Variants in SLC44A1 observed in about 807,000 individuals in gnomAD.
The protein encoded by SLC44A1 is choline transporter-like protein 1.
A neutral mutation model predicts 79.3 loss-of-function variants in SLC44A1; 26 were observed. The observed-to-expected ratio is 0.33, with a 90% confidence interval of 0.24 to 0.46. The LOEUF (loss-of-function observed/expected upper bound fraction) is 0.46, where lower values mean the gene tolerates loss of function less well. Among genes scored for constraint, SLC44A1 ranks in the 20% least tolerant of loss-of-function variants. The pLI, the probability that SLC44A1 is intolerant of heterozygous loss-of-function variation, is 1.00. For missense variants in SLC44A1, 688 were observed against 798.1 expected (o/e 0.86, Z 1.66); for synonymous variants, 263 against 286.2 (o/e 0.92, Z 0.82).
At chr9:105,282,754 GGCCAGGCTGGTCTTGAACTCTGACCTCGT>G (rs1830385641) in intron 1 of SLC44A1, among the ~76,000 whole-genome samples, 1 of 151,998 alleles carries the variant, frequency 6.6e-6, no homozygotes, top group Non-Finnish European at 1.5e-5. Context: ...TCACCATGTT[GGCCAGGCTGGTCTTGAACTCTGACCTCGT>G]GATCCACCCC....
At position 105,244,817 on chromosome 9, in the gene SLC44A1, C is replaced by T; in HGVS notation, c.-52C>T. On this transcript the variant is annotated 5_prime_UTR_variant, in exon 1 of 16. Coordinates refer to ENST00000374720, the MANE Select transcript of SLC44A1 (RefSeq NM_080546.5). The stretch of plus-strand genomic sequence containing the variant: ...CCGCCGGCTCGCATGCCGAGGGGCT[C>T]CGGGGCGTAGCTGCGCGCCCGGCGC... 2 of 1,088,738 alleles carry T rather than the reference C, an allele frequency of 1.8e-6. No homozygotes were observed. Among genetic ancestry groups the T allele is most frequent in the Non-Finnish European group, 2.2e-6 (2 of 892,346 alleles). 67.4% of individuals were successfully genotyped at this position (1,088,738 alleles called of 1,614,324 possible).
chr9:105,277,453 A>G (rs578195541), intron 1 of SLC44A1, among the ~76,000 whole-genome samples: 1 of 152,326 alleles, frequency 6.6e-6, no homozygotes, highest in African/African-American at 2.4e-5. Context: ...ACTGGGTTTC[A>G]AAGAAAATCT....
At chr9:105,346,935 TGC>T (rs1214130723) in intron 4 of SLC44A1, among the ~76,000 whole-genome samples, 5 of 152,134 alleles carry the variant, frequency 3.3e-5, no homozygotes, top group African/African-American at 1.2e-4. Flanking sequence ...ATATGCTACA[TGC>T]ACTCATTTCA....
chr9:105,431,984 G>A (rs57430142), intron 15 of SLC44A1, among the ~76,000 whole-genome samples: 6,273 of 152,230 alleles, frequency 0.041, 413 homozygotes, highest in African/African-American at 0.14. Flanking sequence ...GTGCAGTGGC[G>A]CAATCTTGGC....
chr9:105,424,964 A>AAAAAAAAG (rs1554691707), intron 15 of SLC44A1, among the ~76,000 whole-genome samples: 2 of 148,206 alleles, frequency 1.3e-5, no homozygotes, highest in African/African-American at 5.2e-5. Flanking sequence ...AAAAAAAAAG[A>AAAAAAAAG]AAAGAAAGAA....
chr9:105,244,841 G>A lies in SLC44A1; in HGVS notation c.-28G>A. ...TCCGGGGCGTAGCTGCGCGCCCGGC[G>A]CCGCCTCCGGGCTCCTTCGGCCCCG... is the stretch of plus-strand genomic sequence containing the variant. On this transcript the variant is annotated 5_prime_UTR_variant, in exon 1 of 16. Transcript: ENST00000374720. 7 of 1,114,348 alleles carry A rather than the reference G, an allele frequency of 6.3e-6. 1 individual carries two copies. Among genetic ancestry groups the A allele is most frequent in the Middle Eastern group, 3.8e-4 (1 of 2,608 alleles). 69.0% of individuals were successfully genotyped at this position (1,114,348 alleles called of 1,614,324 possible). A position where few individuals can be genotyped will look rare whatever the true frequency, so the allele number is the denominator to read the frequency against.
chr9:105,246,979 G>C (rs1829469155), intron 1 of SLC44A1, among the ~76,000 whole-genome samples: 1 of 152,056 alleles, frequency 6.6e-6, no homozygotes, highest in South Asian at 2.1e-4. Flanking sequence ...TTTTTTTCCT[G>C]TGGATTCCTA....
At chr9:105,356,999 G>A (rs993627025) in intron 6 of SLC44A1, among the ~76,000 whole-genome samples, 1 of 152,106 alleles carries the variant, frequency 6.6e-6, no homozygotes, top group African/African-American at 2.4e-5. Context: ...GGCCTTCTTA[G>A]TTGGGAGAAG....
chr9:105,374,343 A>G (rs1828208622), intron 12 of SLC44A1, among the ~76,000 whole-genome samples: 1 of 152,242 alleles, frequency 6.6e-6, no homozygotes, highest in Non-Finnish European at 1.5e-5. Context: ...GGGTGTTAGA[A>G]AGGTTTGTGT....
chr9:105,294,880 T>TGG (rs1186132892), intron 1 of SLC44A1: 3 of 144,056 alleles, frequency 2.1e-5, no homozygotes, highest in African/African-American at 8.5e-5. Flanking sequence ...TGTGTGTGTG[T>TGG]GTGTGTGTGT....
At position 105,392,015 on chromosome 9, in the gene SLC44A1, G is replaced by A; in HGVS notation, c.*2959G>A. On this transcript the variant is annotated 3_prime_UTR_variant, in exon 16 of 16. Coordinates refer to ENST00000374720, the MANE Select transcript of SLC44A1 (RefSeq NM_080546.5). Reference sequence around the variant, plus strand: ...TTCTAAGCTCCTGCCTGAAGAATAAGGTCTTCCATAATATGGAAGAGAAAA... The same window carrying A: ...TTCTAAGCTCCTGCCTGAAGAATAAAGTCTTCCATAATATGGAAGAGAAAA... The A allele has an allele frequency of 2.0e-6, 2 of 985,232 alleles. No homozygotes were observed. The highest frequency in any genetic ancestry group is 2.4e-6 in the Non-Finnish European group (2 of 829,858). 61.0% of individuals were successfully genotyped at this position (985,232 alleles called of 1,614,324 possible).
intron 5 of SLC44A1, among the ~76,000 whole-genome samples, chr9:105,350,633 C>T (rs904875405): frequency 6.6e-6 from 1 of 152,108 alleles, no homozygotes; most frequent in African/African-American, 2.4e-5. Flanking sequence ...GGGGTGAATT[C>T]CATATAATTA....
chr9:105,352,631 C>T (rs1827486536), intron 5 of SLC44A1, among the ~76,000 whole-genome samples: 1 of 152,112 alleles, frequency 6.6e-6, no homozygotes, highest in African/African-American at 2.4e-5. Flanking sequence ...ATATAGAATA[C>T]TTTATGCTTG....
At chr9:105,277,974 G>C (rs889510695) in intron 1 of SLC44A1, among the ~76,000 whole-genome samples, 2 of 152,142 alleles carry the variant, frequency 1.3e-5, no homozygotes, top group African/African-American at 4.8e-5. Context: ...GCTTCCAATA[G>C]AGACCATTTG....
chr9:105,350,771 A>G lies in SLC44A1; in HGVS notation c.500+2320A>G, dbSNP rs371824531. Among the ~76,000 whole-genome samples, 78 of 152,326 alleles carry G rather than the reference A, an allele frequency of 5.1e-4. 1 individual carries two copies. The East Asian group carries it at 9.1e-3, about 18-fold the overall frequency. On this transcript the variant is annotated intron_variant, in intron 5 of 15. Coordinates refer to ENST00000374720, the MANE Select transcript of SLC44A1 (RefSeq NM_080546.5). ...AATTAAACAAGATAATATACATTAA[A>G]CATCTGTGTGCTTGGCACTTGACTT...
chr9:105,277,627 A>G (rs1318807868), intron 1 of SLC44A1, among the ~76,000 whole-genome samples: 1 of 152,230 alleles, frequency 6.6e-6, no homozygotes, highest in Non-Finnish European at 1.5e-5. Context: ...GAAAAATACA[A>G]TAAACAACCC....
At chr9:105,281,617 G>A (rs1830354663) in intron 1 of SLC44A1, among the ~76,000 whole-genome samples, 1 of 152,060 alleles carries the variant, frequency 6.6e-6, no homozygotes, top group South Asian at 2.1e-4. Flanking sequence ...GGGGTCCTTT[G>A]CCATGTTTGT....
intron 15 of SLC44A1, among the ~76,000 whole-genome samples, chr9:105,413,110 G>T (rs966595618): frequency 6.6e-6 from 1 of 152,106 alleles, no homozygotes; most frequent in African/African-American, 2.4e-5. Flanking sequence ...GCCCCTAAAG[G>T]GTTCTAATGG....
intron 1 of SLC44A1, among the ~76,000 whole-genome samples, chr9:105,273,980 G>T (rs1171269373): frequency 6.6e-6 from 1 of 152,048 alleles, no homozygotes; most frequent in Non-Finnish European, 1.5e-5. Flanking sequence ...AGTTCTGTAG[G>T]TTATTATTTC....
Sources: allele counts gnomAD v4.1 joint callset (sites outside exome capture counted in the v4.1 genomes callset), GRCh38; gene constraint gnomAD v4.1.1; transcripts MANE v1.5; gene names NCBI Gene and HGNC (gene_info 2026-07-23, HGNC 2026-07-21).